Variants in PCDH11X observed in about 807,000 individuals in gnomAD.
The protein encoded by PCDH11X is protocadherin-11 X-linked.
A neutral mutation model predicts 53.3 loss-of-function variants in PCDH11X; 18 were observed. The observed-to-expected ratio is 0.34, with a 90% confidence interval of 0.23 to 0.50. The LOEUF (loss-of-function observed/expected upper bound fraction) is 0.50, where lower values mean the gene tolerates loss of function less well. Among genes scored for constraint, PCDH11X ranks in the 20% least tolerant of loss-of-function variants. PCDH11X has a pLI of 0.98. For synonymous variants in PCDH11X, 279 were observed against 393.3 expected (o/e 0.71, Z 3.44); for missense variants, 570 against 1,032.4 (o/e 0.55, Z 6.14).
At chrX:92,210,339 T>C (rs1159981883) in intron 7 of PCDH11X, among the ~76,000 whole-genome samples, 5 of 98,217 alleles carry the variant, frequency 5.1e-5, no homozygotes, top group Admixed American at 4.8e-4. Flanking sequence ...CCCAGGTTCA[T>C]ACCATTCTCC....
At chrX:92,275,400 C>T (rs1464361469) in intron 8 of PCDH11X, among the ~76,000 whole-genome samples, 1 of 110,129 alleles carries the variant, frequency 9.1e-6, no homozygotes, top group East Asian at 2.9e-4. Flanking sequence ...AAAATTTGGA[C>T]TTGACTGAAG....
chrX:92,560,392 T>C lies in PCDH11X; in HGVS notation c.3368-57872T>C, dbSNP rs1001021254. On this transcript the variant is annotated intron_variant, in intron 10 of 10. Coordinates refer to ENST00000682573, the MANE Select transcript of PCDH11X (RefSeq NM_032968.5). ...CACATTTCCAGCTGTGCTGGCTACA[T>C]TGAAAGACTCCACCTGTTTGAGAAA... Among the ~76,000 whole-genome samples, 7 of 112,372 alleles carry C rather than the reference T, an allele frequency of 6.2e-5. No homozygotes were observed. In the Admixed American group the frequency reaches 6.6e-4, roughly 11 times the overall value.
rs755596493 is a variant in PCDH11X at position 92,526,369 on chromosome X, C to T, written c.3367+58047C>T. Among the ~76,000 whole-genome samples the T allele has an allele frequency of 7.4e-5, 8 of 108,272 alleles. No homozygotes were observed. In the East Asian group the frequency reaches 1.5e-3, roughly 20 times the overall value. The allele number at this position is 108,272 out of a possible 115,157, so 94.0% of individuals were successfully genotyped here. A position where few individuals can be genotyped will look rare whatever the true frequency, so the allele number is the denominator to read the frequency against. On this transcript the variant is annotated intron_variant, in intron 10 of 10. Coordinates refer to ENST00000682573, the MANE Select transcript of PCDH11X (RefSeq NM_032968.5). The stretch of plus-strand genomic sequence containing the variant: ...ATGTTTACAATGGGGAGCCATTGTT[C>T]GCACACTACCCATCTGACAAGTGAT...
intron 6 of PCDH11X, among the ~76,000 whole-genome samples, chrX:92,048,845 G>A (rs1055234271): frequency 3.6e-5 from 4 of 112,134 alleles, no homozygotes; most frequent in African/African-American, 9.7e-5. Flanking sequence ...GCACAGCTTC[G>A]TTTTATATAT....
chrX:91,888,462 G>A (rs1940335010), intron 6 of PCDH11X, among the ~76,000 whole-genome samples: 1 of 111,113 alleles, frequency 9.0e-6, no homozygotes, highest in Non-Finnish European at 1.9e-5. Flanking sequence ...AGACCAGCCT[G>A]GGCAACATGG....
intron 7 of PCDH11X, among the ~76,000 whole-genome samples, chrX:92,222,448 T>A: frequency 8.9e-6 from 1 of 111,766 alleles, no homozygotes; most frequent in African/African-American, 3.3e-5. Context: ...TCTCCCCTGC[T>A]GTTGTTTCCT....
chrX:91,898,831 C>T (rs1432050490), intron 6 of PCDH11X, among the ~76,000 whole-genome samples: 2 of 110,264 alleles, frequency 1.8e-5, no homozygotes, highest in African/African-American at 6.6e-5. Flanking sequence ...AGGAGCCAGA[C>T]CATTGTTGAG....
intron 8 of PCDH11X, among the ~76,000 whole-genome samples, chrX:92,337,332 T>A (rs2069643942): frequency 9.0e-6 from 1 of 110,576 alleles, no homozygotes; most frequent in Non-Finnish European, 1.9e-5. Flanking sequence ...TTATAGCAGA[T>A]AAGTAATAGT....
chrX:92,106,932 T>A (rs1383070566), intron 6 of PCDH11X, among the ~76,000 whole-genome samples: 1 of 111,412 alleles, frequency 9.0e-6, no homozygotes, highest in East Asian at 2.8e-4. Context: ...TCAACACAGA[T>A]CTTAAATCTG....
intron 8 of PCDH11X, among the ~76,000 whole-genome samples, chrX:92,297,440 A>G (rs2068631054): frequency 9.1e-6 from 1 of 110,254 alleles, no homozygotes; most frequent in Admixed American, 9.7e-5. Flanking sequence ...CGACTTTGTC[A>G]ATGATCAGAT....
At chrX:91,969,494 A>T (rs1163631004) in intron 6 of PCDH11X, among the ~76,000 whole-genome samples, 5 of 110,798 alleles carry the variant, frequency 4.5e-5, no homozygotes, top group African/African-American at 1.6e-4. Flanking sequence ...GGTAGTGAAG[A>T]TGATCAAAGA....
intron 7 of PCDH11X, among the ~76,000 whole-genome samples, chrX:92,206,063 G>A (rs969226695): frequency 2.7e-5 from 3 of 111,818 alleles, no homozygotes; most frequent in Non-Finnish European, 5.6e-5. Context: ...TACACAGGGA[G>A]TACTTTTTTC....
intron 6 of PCDH11X, among the ~76,000 whole-genome samples, chrX:91,961,314 A>G (rs1602569082): frequency 1.0e-5 from 1 of 99,191 alleles, no homozygotes; most frequent in Admixed American, 1.1e-4. Context: ...ATACCTCAAC[A>G]TAATGAATGT....
intron 10 of PCDH11X, among the ~76,000 whole-genome samples, chrX:92,553,196 G>C (rs2074991035): frequency 1.1e-5 from 1 of 90,332 alleles, no homozygotes; most frequent in Non-Finnish European, 2.2e-5. Context: ...GAAGTCGTCG[G>C]GTCTCGGGCT....
intron 8 of PCDH11X, among the ~76,000 whole-genome samples, chrX:92,295,807 C>T (rs2068596202): frequency 9.6e-6 from 1 of 103,987 alleles, no homozygotes; most frequent in African/African-American, 3.5e-5. Context: ...GGGTTGGGCA[C>T]CGTGGCTCAT....
chrX:92,132,757 A>G (rs905527041), intron 6 of PCDH11X, among the ~76,000 whole-genome samples: 1 of 102,659 alleles, frequency 9.7e-6, no homozygotes, highest in African/African-American at 3.5e-5. Flanking sequence ...TTGTTATGGG[A>G]GCCTGCGTTA....
chrX:91,974,444 C>T (rs1317830353), intron 6 of PCDH11X, among the ~76,000 whole-genome samples: 1 of 111,667 alleles, frequency 9.0e-6, no homozygotes, highest in Non-Finnish European at 1.9e-5. Context: ...ATGGAGCCCA[C>T]ATTTAATGTG....
At chrX:92,170,348 T>A (rs1408907767) in intron 6 of PCDH11X, among the ~76,000 whole-genome samples, 1 of 111,085 alleles carries the variant, frequency 9.0e-6, no homozygotes, top group Non-Finnish European at 1.9e-5. Flanking sequence ...TATATGTATA[T>A]GAATTATGCA....
At chrX:91,921,959 G>A (rs1349936073) in intron 6 of PCDH11X, among the ~76,000 whole-genome samples, 1 of 110,864 alleles carries the variant, frequency 9.0e-6, no homozygotes. Context: ...GCCATTTTAC[G>A]ACTCAGTGTT....
Sources: allele counts gnomAD v4.1 joint callset (sites outside exome capture counted in the v4.1 genomes callset), GRCh38; gene constraint gnomAD v4.1.1; transcripts MANE v1.5; gene names NCBI Gene and HGNC (gene_info 2026-07-23, HGNC 2026-07-21).